The following EVC2 variants were observed in gnomAD, a reference collection of about 807,000 sequenced individuals.
EVC2 encodes the protein limbin.
A neutral mutation model predicts 149.3 loss-of-function variants in EVC2; 148 were observed. That is an observed-to-expected ratio of 0.99 (90% confidence interval 0.87 to 1.14). The LOEUF (loss-of-function observed/expected upper bound fraction) is 1.14, where lower values mean the gene tolerates loss of function less well. Ranked by LOEUF, EVC2 falls within the 50% of genes most tolerant of loss-of-function variation. The pLI is 0.00. For missense variants in EVC2, 1,854 were observed against 1,627.3 expected, an observed-to-expected ratio of 1.14 and a Z score of -2.40; for synonymous variants, 776 against 649.9, an observed-to-expected ratio of 1.19 and a Z score of -2.95.
intron 17 of EVC2, among the ~76,000 whole-genome samples, chr4:5,583,355 C>T (rs1403965498): frequency 6.6e-6 from 1 of 152,138 alleles, no homozygotes; most frequent in African/African-American, 2.4e-5. Flanking sequence ...TTAAAGTTAT[C>T]TAGCATGATA....
rs528544201 is a variant in EVC2 at position 5,567,735 on chromosome 4, A to C, written c.3557+709T>G. On this transcript the variant is annotated intron_variant, in intron 20 of 21. Coordinates refer to ENST00000344408, the MANE Select transcript of EVC2 (RefSeq NM_147127.5). This position sits in a 1 kb window ranked among gnomAD's most constrained non-coding sequence, Gnocchi z 4.4. ...ATAATTTAAAAAAAAATGGGCCCAA[A>C]CTGAATGTCAAGTGACGGGATGACA... 6.6e-6 allele frequency among the ~76,000 whole-genome samples: 1 copy of C among 152,238 alleles called. No individual in the cohort carries two copies. Among genetic ancestry groups the C allele is most frequent in the South Asian group, 2.1e-4 (1 of 4,818 alleles).
chr4:5,615,279 A>C (rs1715156472), intron 16 of EVC2, 143 bp downstream of exon 16: 1 of 1,381,532 alleles, frequency 7.2e-7, no homozygotes, highest in South Asian at 1.2e-5. Flanking sequence ...ACTCTTTCTT[A>C]CCTTAGCACC....
Position 5,637,837 on chromosome 4 carries a change from T to C in EVC2, c.1470+2677A>G, listed in dbSNP as rs1221450340. Among the ~76,000 whole-genome samples, 6 of 152,130 alleles carry C rather than the reference T, an allele frequency of 3.9e-5. No homozygotes were observed. The highest frequency in any genetic ancestry group is 3.4e-3 in the Middle Eastern group (1 of 294). On this transcript the variant is annotated intron_variant, in intron 10 of 21. Transcript: ENST00000344408. This position sits in a 1 kb window ranked among gnomAD's most constrained non-coding sequence, Gnocchi z 4.4. ...TTTTTTTTTTCAGGGCTTTTTCTTTTTCAGCTTTGGTTCTGAAATCAGACA... is the reference window on the plus strand; with the variant it reads ...TTTTTTTTTTCAGGGCTTTTTCTTTCTCAGCTTTGGTTCTGAAATCAGACA...
chr4:5,668,260 G>T (rs1719402505), intron 7 of EVC2, among the ~76,000 whole-genome samples: 1 of 152,182 alleles, frequency 6.6e-6, no homozygotes, highest in African/African-American at 2.4e-5. Context: ...TGACCTTCTA[G>T]ACTGTCAAAG....
At chr4:5,663,957 T>C (rs1719087528) in intron 8 of EVC2, among the ~76,000 whole-genome samples, 2 of 152,108 alleles carry the variant, frequency 1.3e-5, no homozygotes, top group Admixed American at 1.3e-4. Flanking sequence ...TATAGGATTG[T>C]GAGCTGGAAG....
chr4:5,613,140 G>A lies in EVC2; in HGVS notation c.2829+2282C>T, dbSNP rs1005182765. On this transcript the variant is annotated intron_variant, in intron 16 of 21. Coordinates refer to ENST00000344408, the MANE Select transcript of EVC2 (RefSeq NM_147127.5). The surrounding 1 kb of genome is among the most constrained non-coding windows in gnomAD (Gnocchi z 4.6). Reference sequence around the variant, plus strand: ...CCTGTGACTCTGCTCCAAGGGTGCTGGTGAGATGGCCCTTAGCTTTCTCAG... The same window carrying A: ...CCTGTGACTCTGCTCCAAGGGTGCTAGTGAGATGGCCCTTAGCTTTCTCAG... Among the ~76,000 whole-genome samples the A allele has an allele frequency of 3.3e-5, 5 of 151,990 alleles. No homozygotes were observed. The highest frequency in any genetic ancestry group is 9.7e-5 in the African/African-American group (4 of 41,394).
At chr4:5,621,333 A>G (rs932660553) in intron 14 of EVC2, among the ~76,000 whole-genome samples, 1 of 152,264 alleles carries the variant, frequency 6.6e-6, no homozygotes, top group Non-Finnish European at 1.5e-5. Context: ...CTTCACATTT[A>G]AACTACTTGA....
At chr4:5,681,066 G>A (rs1325917911) in intron 7 of EVC2, among the ~76,000 whole-genome samples, 194 bp downstream of exon 7, 1 of 152,178 alleles carries the variant, frequency 6.6e-6, no homozygotes, top group African/African-American at 2.4e-5. Flanking sequence ...CCAGGTGGAG[G>A]GTCATCCAGG....
chr4:5,635,858 G>C (rs544201463), intron 10 of EVC2, among the ~76,000 whole-genome samples: 1 of 152,264 alleles, frequency 6.6e-6, no homozygotes, highest in Non-Finnish European at 1.5e-5. Flanking sequence ...AACCCCAGAG[G>C]AAGGACCCAG....
rs577490233 is a variant in EVC2, at chr4:5,613,633, C to T, written c.2829+1789G>A. The stretch of plus-strand genomic sequence containing the variant: ...GCTTCCCTAGGGGTAGGCTGCCCCC[C>T]ACAAGGAACCCCCTAGTGACACTGT... On this transcript the variant is annotated intron_variant, in intron 16 of 21. Coordinates refer to ENST00000344408, the MANE Select transcript of EVC2 (RefSeq NM_147127.5). The surrounding 1 kb of genome is among the most constrained non-coding windows in gnomAD (Gnocchi z 4.6). 1.3e-5 allele frequency among the ~76,000 whole-genome samples: 2 copies of T among 151,996 alleles called. No individual in the cohort carries two copies. Among genetic ancestry groups the T allele is most frequent in the Admixed American group, 6.5e-5 (1 of 15,274 alleles).
At chr4:5,624,725 T>C (rs745895381) in intron 13 of EVC2, among the ~76,000 whole-genome samples, 6 of 152,084 alleles carry the variant, frequency 3.9e-5, no homozygotes, top group Non-Finnish European at 8.8e-5. Context: ...GGCTCAGAGA[T>C]GAATGGGGTG....
intron 16 of EVC2, among the ~76,000 whole-genome samples, chr4:5,592,556 G>T (rs189225888): frequency 2.7e-4 from 41 of 152,338 alleles, no homozygotes; most frequent in Admixed American, 2.4e-3. Context: ...ATTGGTTGCA[G>T]CTGGTGCCAG....
At chr4:5,572,588 C>A (rs544256829) in intron 19 of EVC2, among the ~76,000 whole-genome samples, 1 of 152,120 alleles carries the variant, frequency 6.6e-6, no homozygotes, top group Non-Finnish European at 1.5e-5. Context: ...ACCTTGATTT[C>A]GGACTTCCCA....
At chr4:5,690,867 T>TG (rs776588461) in intron 4 of EVC2, among the ~76,000 whole-genome samples, 3 of 152,190 alleles carry the variant, frequency 2.0e-5, no homozygotes, top group Non-Finnish European at 4.4e-5. Context: ...CTAAGGCAGG[T>TG]GCTGGAGACC....
At chr4:5,609,048 C>A (rs1217024837) in intron 16 of EVC2, among the ~76,000 whole-genome samples, 2 of 152,138 alleles carry the variant, frequency 1.3e-5, no homozygotes, top group Non-Finnish European at 2.9e-5. Context: ...CTTACACCAG[C>A]AGCTCCCCTA....
intron 16 of EVC2, among the ~76,000 whole-genome samples, chr4:5,600,177 CCTGT>C (rs2108809533): frequency 6.6e-6 from 1 of 152,262 alleles, no homozygotes; most frequent in East Asian, 1.9e-4. Context: ...AGTTGCTTAA[CCTGT>C]CTGAGTCTCA....
chr4:5,569,936 C>T lies in EVC2; in HGVS notation c.3361-1296G>A, dbSNP rs910060025. Among the ~76,000 whole-genome samples, 1 of 152,182 alleles carries T rather than the reference C, an allele frequency of 6.6e-6. No individual in the cohort carries two copies. The highest frequency in any genetic ancestry group is 1.5e-5 in the Non-Finnish European group (1 of 68,020). On this transcript the variant is annotated intron_variant, in intron 19 of 21. Transcript: ENST00000344408. This position sits in a 1 kb window ranked among gnomAD's most constrained non-coding sequence, Gnocchi z 4.8. Reference sequence around the variant, plus strand: ...CTTGTTCTTCCCTGACCGTCCTGCTCGCCCAGGCCACTGAGCCCTTACCCA... The same window carrying T: ...CTTGTTCTTCCCTGACCGTCCTGCTTGCCCAGGCCACTGAGCCCTTACCCA...
At chr4:5,658,560 A>C (rs1016664532) in intron 9 of EVC2, among the ~76,000 whole-genome samples, 1 of 152,360 alleles carries the variant, frequency 6.6e-6, no homozygotes, top group South Asian at 2.1e-4. Context: ...ATCCAGAAAG[A>C]GTCCTAAGCT....
intron 16 of EVC2, among the ~76,000 whole-genome samples, chr4:5,599,837 G>C (rs1203128485): frequency 6.6e-6 from 1 of 152,126 alleles, no homozygotes; most frequent in Admixed American, 6.5e-5. Flanking sequence ...AAAAAGATGG[G>C]AAATGTTTAA....
Sources: gnomAD v4.1 joint callset for allele counts (sites outside exome capture counted in the v4.1 genomes callset) on GRCh38, gnomAD v4.1.1 for gene constraint, Gnocchi (gnomAD v3.1) non-coding constraint, MANE v1.5 for transcripts, NCBI Gene and HGNC (gene_info 2026-07-23, HGNC 2026-07-21) for gene names.